The following PRDM10 variants were observed in gnomAD, a reference collection of about 807,000 sequenced individuals.
The protein encoded by PRDM10 is PR/SET domain 10.
A neutral mutation model predicts 133.1 loss-of-function variants in PRDM10; 65 were observed. The ratio of observed to expected loss-of-function variants is 0.49; its 90% CI spans 0.40 to 0.60. The LOEUF (loss-of-function observed/expected upper bound fraction) is 0.60, where lower values mean the gene tolerates loss of function less well. Ranked by LOEUF, PRDM10 falls within the 20% of genes least tolerant of loss-of-function variation. The probability of loss-of-function intolerance (pLI) is 0.00; values close to 1 mark genes in which losing one functional copy is unlikely to be tolerated. For synonymous variants in PRDM10, 582 were observed against 580.4 expected (o/e 1.00, Z -0.04); for missense variants, 1,137 against 1,507.1 (o/e 0.75, Z 4.07).
intron 4 of PRDM10, among the ~76,000 whole-genome samples, chr11:129,953,826 C>CAAAAAA (rs10542747): frequency 4.1e-5 from 3 of 73,350 alleles, no homozygotes; most frequent in East Asian, 2.7e-4. Context: ...TTTATAGTAG[C>CAAAAAA]AAAAAAAAAA....
Position 129,923,170 on chromosome 11 carries a change from T to C in PRDM10, c.2034+78A>G, listed in dbSNP as rs1950564943. The C allele has an allele frequency of 7.0e-7, 1 of 1,427,704 alleles. No individual in the cohort carries two copies. Among genetic ancestry groups the C allele is most frequent in the Admixed American group, 2.7e-5 (1 of 37,522 alleles). 88.4% of individuals were successfully genotyped at this position (1,427,704 alleles called of 1,614,324 possible). A position where few individuals can be genotyped will look rare whatever the true frequency, so the allele number is the denominator to read the frequency against. ...AGAGGTGGGTGATAAACTGATGAAA[T>C]GAACAGGCATTTACCCTCAGCTTGC... is the stretch of plus-strand genomic sequence containing the variant. On this transcript the variant is annotated intron_variant, in intron 13 of 20. Coordinates refer to ENST00000360871, the MANE Select transcript of PRDM10 (RefSeq NM_199437.2). The surrounding 1 kb of genome is among the most constrained non-coding windows in gnomAD (Gnocchi z 4.4).
chr11:129,939,174 T>A (rs1184273774), intron 7 of PRDM10, among the ~76,000 whole-genome samples: 1 of 152,244 alleles, frequency 6.6e-6, no homozygotes, highest in Non-Finnish European at 1.5e-5. Flanking sequence ...CTTGTTTACA[T>A]CTTTCTGTCC....
rs1303869808 is a variant in PRDM10, at chr11:129,914,920, G to A, written c.2625C>T (p.Thr875=). 6.2e-7 allele frequency: 1 copy of A among 1,614,104 alleles called. No homozygotes were observed. The highest frequency in any genetic ancestry group is 1.7e-5 in the Admixed American group (1 of 60,016). The change falls in exon 17 of 21, where the codon ACC becomes ACT. Residue 875 remains threonine, a synonymous_variant. Transcript: ENST00000360871. Reference sequence around the variant, plus strand: ...CGCTGTCTGTAGTCAAAACCGCTGGGGTGGCACTGATCACAGCTGTCGTCA... The same window carrying A: ...CGCTGTCTGTAGTCAAAACCGCTGGAGTGGCACTGATCACAGCTGTCGTCA... ...TPLTTAVISA[T]PAVLTTDSAT... is the part of the protein sequence containing the mutation.
rs377556383 is a variant in PRDM10 at position 129,957,846 on chromosome 11, G to A, written c.134C>T (p.Pro45Leu). 6.8e-6 allele frequency: 11 copies of A among 1,614,036 alleles called. No individual in the cohort carries two copies. Among genetic ancestry groups the A allele is most frequent in the Admixed American group, 3.3e-5 (2 of 60,000 alleles). Residue 45 changes from proline (P) to leucine (L), a missense_variant, in exon 3 of 21, where the codon CCC becomes CTC. Coordinates refer to ENST00000360871, the MANE Select transcript of PRDM10 (RefSeq NM_199437.2). ...QIVYTDDQVR[P>L]PQQVVYTADG... ...TGCCGTGTACACCACCTGCTGTGGG[G>A]GGCGAACCTGGTCATCGGTATAGAC...
In PRDM10 at chr11:129,902,362, G is replaced by A; in HGVS notation, c.3422C>T (p.Thr1141Ile). 1 of 1,614,154 alleles carries A rather than the reference G, an allele frequency of 6.2e-7. No individual in the cohort carries two copies. ...GCTGCTTCCGTTCCCGTTGGTGGTG[G>A]TGGTGATGATGTACTGTGTGGTCTG... The part of the protein sequence containing the change: ...QQQTTQYIIT[T>I]TTNGNGSSEV... The change falls in exon 21 of 21, where the codon ACC becomes ATC. Residue 1141 changes from threonine (T) to isoleucine (I), a missense_variant. Physicochemically the swap from Thr to Ile is moderately conservative, Grantham distance 89. Around this residue, in one of 6 missense-constraint regions of PRDM10, gnomAD observed 243 missense variants for 259.2 expected, o/e 0.94. Coordinates refer to ENST00000360871, the MANE Select transcript of PRDM10 (RefSeq NM_199437.2).
chr11:129,914,202 A>C (rs531553912), intron 17 of PRDM10, among the ~76,000 whole-genome samples: 4 of 152,334 alleles, frequency 2.6e-5, no homozygotes, highest in African/African-American at 9.6e-5. Context: ...AGATTTTGCC[A>C]TGTTGGCCAG....
chr11:129,986,176 C>T (rs1938432311), intron 1 of PRDM10, among the ~76,000 whole-genome samples: 1 of 152,094 alleles, frequency 6.6e-6, no homozygotes. Context: ...TTGGAAATCA[C>T]ACATAGTGCT....
intron 1 of PRDM10, among the ~76,000 whole-genome samples, chr11:129,983,454 C>A (rs35273591): frequency 0.11 from 16,442 of 152,006 alleles, 1,684 homozygotes; most frequent in East Asian, 0.44. Flanking sequence ...CCCACCGCGC[C>A]CAGCTAATTT....
chr11:129,969,938 G>A (rs2135943455), intron 1 of PRDM10, among the ~76,000 whole-genome samples: 1 of 152,280 alleles, frequency 6.6e-6, no homozygotes, highest in Admixed American at 6.5e-5. Flanking sequence ...AAAAAAGTAA[G>A]TGATTTTACT....
At chr11:129,991,148 A>C (rs1028689123) in intron 1 of PRDM10, among the ~76,000 whole-genome samples, 5 of 152,258 alleles carry the variant, frequency 3.3e-5, no homozygotes, top group African/African-American at 4.8e-5. Flanking sequence ...AATAGTATAG[A>C]GTATAATGCA....
intron 1 of PRDM10, among the ~76,000 whole-genome samples, chr11:130,001,863 G>T (rs556445344): frequency 6.6e-6 from 1 of 151,996 alleles, no homozygotes; most frequent in African/African-American, 2.4e-5. Flanking sequence ...GGGCAGGGCC[G>T]CGACCCCGGC....
chr11:129,964,952 A>T (rs549559861), intron 1 of PRDM10, among the ~76,000 whole-genome samples: 3 of 152,242 alleles, frequency 2.0e-5, no homozygotes, highest in Admixed American at 2.0e-4. Context: ...CAATTTTCAT[A>T]TTTCACAAAC....
intron 1 of PRDM10, among the ~76,000 whole-genome samples, chr11:129,977,954 C>A (rs571371848): frequency 7.1e-6 from 1 of 139,992 alleles, no homozygotes; most frequent in South Asian, 2.2e-4. Flanking sequence ...GAGTGAGAGA[C>A]CCTGTCTTTA....
intron 11 of PRDM10, among the ~76,000 whole-genome samples, chr11:129,928,679 G>A (rs1490559077): frequency 2.0e-5 from 3 of 152,148 alleles, no homozygotes; most frequent in African/African-American, 7.2e-5. Context: ...ATAGGTGTGA[G>A]ACACTATGCC....
intron 1 of PRDM10, among the ~76,000 whole-genome samples, chr11:129,985,804 A>ATAT (rs1565512103): frequency 8.7e-6 from 1 of 114,412 alleles, no homozygotes; most frequent in African/African-American, 4.6e-5. Context: ...AAAAAAAAAA[A>ATAT]AAAAAATATA....
At chr11:129,929,559 G>GAA in intron 11 of PRDM10, 7 of 684,776 alleles carry the variant, frequency 1.0e-5, no homozygotes, top group East Asian at 3.2e-5. Context: ...ATGTGTGAGA[G>GAA]AAAAAAAAAC....
intron 1 of PRDM10, among the ~76,000 whole-genome samples, chr11:129,967,921 C>G (rs1951940471): frequency 6.6e-6 from 1 of 152,188 alleles, no homozygotes; most frequent in South Asian, 2.1e-4. Flanking sequence ...GCCCTACCCA[C>G]TCACCATCCA....
chr11:129,921,963 T>C (rs1161827570), intron 13 of PRDM10, among the ~76,000 whole-genome samples: 10 of 152,186 alleles, frequency 6.6e-5, no homozygotes, highest in Non-Finnish European at 2.9e-5. Context: ...CAGGAGGAAG[T>C]GCTTGGTTCC....
intron 1 of PRDM10, among the ~76,000 whole-genome samples, chr11:129,992,320 A>G (rs1285974186): frequency 6.6e-6 from 1 of 152,224 alleles, no homozygotes; most frequent in African/African-American, 2.4e-5. Context: ...GCATTTATGG[A>G]GCACCTATCC....
Sources: allele counts gnomAD v4.1 joint callset (sites outside exome capture counted in the v4.1 genomes callset), GRCh38; gene constraint gnomAD v4.1.1; regional missense constraint gnomAD v4.1.1; non-coding constraint Gnocchi (gnomAD v3.1); transcripts MANE v1.5; gene names NCBI Gene and HGNC (gene_info 2026-07-23, HGNC 2026-07-21).